SUSD3: variants seen among roughly 807,000 people sequenced by gnomAD.
SUSD3 encodes sushi domain containing 3.
SUSD3 carries 18 observed loss-of-function variants against 20.6 expected under a neutral mutation model. The observed-to-expected ratio is 0.87, with a 90% CI of 0.60 to 1.30. SUSD3 has a LOEUF of 1.30. SUSD3 is among the 50% of genes most tolerant of loss of function. The pLI, the probability that SUSD3 is intolerant of heterozygous loss-of-function variation, is 0.00. For missense variants in SUSD3, 306 were observed against 346.9 expected, an observed-to-expected ratio of 0.88 and a Z score of 0.94; for synonymous variants, 137 against 141.5, an observed-to-expected ratio of 0.97 and a Z score of 0.23.
intron 1 of SUSD3, among the ~76,000 whole-genome samples, chr9:93,061,486 C>T (rs747860754): frequency 6.6e-6 from 1 of 152,234 alleles, no homozygotes; most frequent in Non-Finnish European, 1.5e-5. Context: ...TGGAATTAGC[C>T]CAGCTCTTTT....
chr9:93,072,176 C>T, intron 1 of SUSD3, among the ~76,000 whole-genome samples: 1 of 152,140 alleles, frequency 6.6e-6, no homozygotes, highest in East Asian at 1.9e-4. Flanking sequence ...GCCCCTCCCA[C>T]CCCTCTTCCC....
chr9:93,059,151 C>A (rs1331350534), intron 1 of SUSD3, among the ~76,000 whole-genome samples: 1 of 152,082 alleles, frequency 6.6e-6, no homozygotes, highest in Non-Finnish European at 1.5e-5. Context: ...GGCTCCGGGC[C>A]CCTCCGCGCC....
At chr9:93,074,431 CAAAAAAAAAAAAA>C (rs56872294) in intron 1 of SUSD3, among the ~76,000 whole-genome samples, 3 of 38,876 alleles carry the variant, frequency 7.7e-5, no homozygotes, top group African/African-American at 1.7e-4. Flanking sequence ...GACTCTGACT[CAAAAAAAAAAAAA>C]AAAAAAAAAA....
rs1256096824 is a variant in SUSD3 at position 93,079,563 on chromosome 9, G to C, written c.518G>C (p.Ser173Thr). Residue 173 changes from serine (S) to threonine (T), a missense_variant, in exon 4 of 5, where the codon AGC becomes ACC. Transcript: ENST00000375472. ...CTCAAGCACTTCAACAAACCCGTGA[G>C]CGGGCCCAGCCAGGCGCACGACAAC... ...LGLKHFNKPV[S>T]GPSQAHDNHS... 4.3e-6 allele frequency: 7 copies of C among 1,614,060 alleles called. No homozygotes were observed. The highest frequency in any genetic ancestry group is 5.9e-6 in the Non-Finnish European group (7 of 1,180,022).
chr9:93,075,048 C>T (rs1347885612), intron 1 of SUSD3, among the ~76,000 whole-genome samples: 2 of 152,154 alleles, frequency 1.3e-5, no homozygotes, highest in Non-Finnish European at 2.9e-5. Flanking sequence ...CCAACTTGCA[C>T]ATTGTTTTCT....
At chr9:93,069,038 G>C in intron 1 of SUSD3, 2 of 697,178 alleles carry the variant, frequency 2.9e-6, no homozygotes, top group Non-Finnish European at 5.2e-6. Flanking sequence ...TTAATAGACG[G>C]TACTCACCCT....
In SUSD3 at chr9:93,077,880, G is replaced by C. The variant is rs1350388696; in HGVS notation, c.312G>C (p.Val104=). 1 of 1,614,208 alleles carries C rather than the reference G, an allele frequency of 6.2e-7. No individual in the cohort carries two copies. Among genetic ancestry groups the C allele is most frequent in the African/African-American group, 1.3e-5 (1 of 75,062 alleles). Residue 104 remains valine, a synonymous_variant, in exon 3 of 5, where the codon GTG becomes GTC. Transcript: ENST00000375472. ...CACACGAGACCTTTGGCTTCAAGGT[G>C]GCCGTGATCGCCTCCATTGTGAGCT... ...VPPHETFGFK[V]AVIASIVSCA...
chr9:93,075,735 T>TGC, intron 1 of SUSD3, 49 bp from the exon 2 acceptor site: 5 of 247,428 alleles, frequency 2.0e-5, no homozygotes, highest in South Asian at 7.0e-5. Context: ...CTGCCCTGCG[T>TGC]GCCCACCCCC....
chr9:93,076,250 AGGCTGT>A, intron 2 of SUSD3, among the ~76,000 whole-genome samples: 1 of 152,348 alleles, frequency 6.6e-6, no homozygotes, highest in Non-Finnish European at 1.5e-5. Flanking sequence ...CACCGCCAAG[AGGCTGT>A]GCATGCTCTC....
intron 2 of SUSD3, among the ~76,000 whole-genome samples, chr9:93,076,332 C>T (rs1210357314): frequency 1.3e-5 from 2 of 152,104 alleles, no homozygotes; most frequent in East Asian, 3.9e-4. Context: ...TTCATTCATT[C>T]ATTCATTCAT....
At chr9:93,075,503 A>G (rs773341767) in intron 1 of SUSD3, among the ~76,000 whole-genome samples, 21 of 146,108 alleles carry the variant, frequency 1.4e-4, no homozygotes, top group Non-Finnish European at 2.8e-4. Flanking sequence ...GTCTCAGGGA[A>G]GGTATGTTTG....
chr9:93,075,536 A>G (rs7859109), intron 1 of SUSD3, among the ~76,000 whole-genome samples: 41,929 of 146,900 alleles, frequency 0.29, 8,545 homozygotes, highest in African/African-American at 0.59. Flanking sequence ...TCTAACACTT[A>G]TTTCTTTTTT....
chr9:93,063,165 G>A (rs1356282006), intron 1 of SUSD3, among the ~76,000 whole-genome samples: 1 of 152,170 alleles, frequency 6.6e-6, no homozygotes, highest in Non-Finnish European at 1.5e-5. Flanking sequence ...AGGGTTGAAG[G>A]TCCCCTGTAT....
intron 3 of SUSD3, among the ~76,000 whole-genome samples, chr9:93,079,253 G>A (rs1826301010): frequency 6.6e-6 from 1 of 152,186 alleles, no homozygotes; most frequent in African/African-American, 2.4e-5. Flanking sequence ...ATTGTCTACT[G>A]GTGTGTGGCT....
intron 1 of SUSD3, among the ~76,000 whole-genome samples, chr9:93,060,667 C>CA (rs996754465): frequency 3.3e-5 from 5 of 151,360 alleles, no homozygotes; most frequent in East Asian, 1.9e-4. Flanking sequence ...CCCGTATCTA[C>CA]AAAAAATGCA....
rs747574254 is a variant in SUSD3, at chr9:93,079,549, C to T, written c.504C>T (p.Phe168=). The part of the protein sequence containing the change: ...VQAAYLGLKH[F]NKPVSGPSQA... ...CCGCATACCTTGGCCTCAAGCACTT[C>T]AACAAACCCGTGAGCGGGCCCAGCC... The change falls in exon 4 of 5, where the codon TTC becomes TTT. Residue 168 remains phenylalanine (F), a synonymous_variant. Coordinates refer to ENST00000375472, the MANE Select transcript of SUSD3 (RefSeq NM_145006.4). The T allele has an allele frequency of 7.4e-6, 12 of 1,614,014 alleles. No individual in the cohort carries two copies. The East Asian group carries it at 2.7e-4, about 36-fold the overall frequency.
chr9:93,083,377 C>G (rs1587925255), intron 4 of SUSD3, among the ~76,000 whole-genome samples: 1 of 152,212 alleles, frequency 6.6e-6, no homozygotes, highest in East Asian at 1.9e-4. Flanking sequence ...AGGCAGGATC[C>G]TCGGGATATG....
At chr9:93,078,221 T>C (rs1564193970) in intron 3 of SUSD3, among the ~76,000 whole-genome samples, 2 of 152,222 alleles carry the variant, frequency 1.3e-5, no homozygotes. Flanking sequence ...AAGGCCCTGC[T>C]CTTAGGCCAG....
At chr9:93,059,383 C>T (rs1825418857) in intron 1 of SUSD3, among the ~76,000 whole-genome samples, 1 of 152,210 alleles carries the variant, frequency 6.6e-6, no homozygotes, top group African/African-American at 2.4e-5. Flanking sequence ...TCGGCTGTCT[C>T]GGAGGAGGCT....
Sources: gnomAD v4.1 joint callset for allele counts (sites outside exome capture counted in the v4.1 genomes callset) on GRCh38, gnomAD v4.1.1 for gene constraint, MANE v1.5 for transcripts, NCBI Gene and HGNC (gene_info 2026-07-23, HGNC 2026-07-21) for gene names.